Variants in TRMT61A observed in about 807,000 individuals in gnomAD.
The protein encoded by TRMT61A is tRNA methyltransferase 61A.
TRMT61A carries 15 observed loss-of-function variants against 21.3 expected under a neutral mutation model. That is an observed-to-expected ratio of 0.70 (90% confidence interval 0.47 to 1.08). The LOEUF is 1.08. Among genes scored for constraint, TRMT61A ranks in the 50% least tolerant of loss-of-function variants. TRMT61A has a pLI of 0.00. For missense variants in TRMT61A, 352 were observed against 426.7 expected, an observed-to-expected ratio of 0.83 and a Z score of 1.54; for synonymous variants, 183 against 185.5, an observed-to-expected ratio of 0.99 and a Z score of 0.11.
In TRMT61A at chr14:103,535,643, C is replaced by T; in HGVS notation, c.*822C>T. 1 of 314,722 alleles carries T rather than the reference C, an allele frequency of 3.2e-6. No individual in the cohort carries two copies. The highest frequency in any genetic ancestry group is 4.5e-5 in the Admixed American group (1 of 22,328). The allele number at this position is 314,722 out of a possible 1,614,324, so 19.5% of individuals were successfully genotyped here. A position where few individuals can be genotyped will look rare whatever the true frequency, so the allele number is the denominator to read the frequency against. Reference sequence around the variant, plus strand: ...CGGAACTATGTGGGTACCCCTACCCCTCACAGAAGCCAAGGGCATGGAGGA... The same window carrying T: ...CGGAACTATGTGGGTACCCCTACCCTTCACAGAAGCCAAGGGCATGGAGGA... On this transcript the variant is annotated 3_prime_UTR_variant, in exon 4 of 4. Transcript: ENST00000389749.
At position 103,532,668 on chromosome 14, in the gene TRMT61A, C is replaced by T. The variant is rs369292682; in HGVS notation, c.418C>T (p.Arg140Trp). ...HLHTVEFHQQ[R>W]AEKAREEFQE... is the part of the protein sequence containing the mutation. ...GCACACGGTGGAGTTCCACCAGCAG[C>T]GGGCAGAGAAGGCCCGGGAGGAGTT... Residue 140 changes from arginine (R) to tryptophan (W), a missense_variant, in exon 3 of 4, where the codon CGG (arginine) becomes TGG (tryptophan). Physicochemically the swap from Arg to Trp is moderately radical, Grantham distance 101 (BLOSUM62 -3). Transcript: ENST00000389749. 1.9e-6 allele frequency: 3 copies of T among 1,613,286 alleles called. No individual in the cohort carries two copies. The highest frequency in any genetic ancestry group is 1.7e-5 in the Admixed American group (1 of 59,994).
chr14:103,532,796 C>T lies in TRMT61A; in HGVS notation c.546C>T (p.Ile182=). 1 of 1,570,210 alleles carries T rather than the reference C, an allele frequency of 6.4e-7. No homozygotes were observed. Among genetic ancestry groups the T allele is most frequent in the Non-Finnish European group, 8.6e-7 (1 of 1,158,268 alleles). The change falls in exon 3 of 4, where the codon ATC becomes ATT. Residue 182 remains isoleucine (I), a synonymous_variant. Transcript: ENST00000389749. ...SHVADAVFLD[I]PSPWEAVGHA... Reference sequence around the variant, plus strand: ...TGGCCGACGCCGTCTTCCTGGACATCCCATCACCCTGGGAGGCCGTGGGCC... The same window carrying T: ...TGGCCGACGCCGTCTTCCTGGACATTCCATCACCCTGGGAGGCCGTGGGCC...
Position 103,530,008 on chromosome 14 carries a change from C to T in TRMT61A, c.30C>T (p.Ile10=), listed in dbSNP as rs369999572. The T allele has an allele frequency of 9.9e-6, 16 of 1,611,210 alleles. No homozygotes were observed. In the African/African-American group the frequency reaches 1.1e-4, roughly 11 times the overall value. The change falls in exon 2 of 4, where the codon ATC becomes ATT. Residue 10 remains isoleucine, a synonymous_variant. Coordinates refer to ENST00000389749, the MANE Select transcript of TRMT61A (RefSeq NM_152307.3). MSFVAYEEL[I]KEGDTAILSL... ...GCTTCGTGGCATACGAGGAGCTGAT[C>T]AAGGAGGGTGACACGGCCATCCTGT...
chr14:103,530,310 G>A lies in TRMT61A; in HGVS notation c.331+1G>A, dbSNP rs368016733. 5 of 1,579,500 alleles carry A rather than the reference G, an allele frequency of 3.2e-6. No homozygotes were observed. The Admixed American group carries it at 8.5e-5, about 27-fold the overall frequency. On this transcript the variant is annotated splice_donor_variant, in intron 2 of 3. Coordinates refer to ENST00000389749, the MANE Select transcript of TRMT61A (RefSeq NM_152307.3). LOFTEE classifies it high-confidence loss of function. ...CCCGGCTCTGTGGTCTGTGAGTCTG[G>A]TGAGTTCCTCAGGCTGCCTCAGTTT...
Position 103,530,266 on chromosome 14 carries a change from C to T in TRMT61A, c.288C>T (p.Thr96=), listed in dbSNP as rs1191879607. 4 of 1,599,884 alleles carry T rather than the reference C, an allele frequency of 2.5e-6. No individual in the cohort carries two copies. The highest frequency in any genetic ancestry group is 3.4e-6 in the Non-Finnish European group (4 of 1,168,774). ...ILYSTDIALI[T]MMLELRPGSV... is the part of the protein sequence containing the mutation. ...ACTCCACAGACATCGCCCTCATCAC[C>T]ATGATGTTGGAGCTTCGGCCCGGCT... The change falls in exon 2 of 4, where the codon ACC becomes ACT. Residue 96 remains threonine, a synonymous_variant. Transcript: ENST00000389749.
chr14:103,530,381 C>T, intron 2 of TRMT61A, 72 bp downstream of exon 2: 1 of 1,337,986 alleles, frequency 7.5e-7, no homozygotes, highest in Non-Finnish European at 1.0e-6. Flanking sequence ...CTCCAGCCTG[C>T]CCTTCCTACA....
chr14:103,532,641 C>A lies in TRMT61A; in HGVS notation c.391C>A (p.Leu131Met). The change falls in exon 3 of 4, where the codon CTG becomes ATG. Residue 131 changes from leucine to methionine, a missense_variant. Physicochemically the swap from Leu to Met is conservative, Grantham distance 15. Transcript: ENST00000389749. ...CCGCACCATTGCACCCACGGGTCAC[C>A]TGCACACGGTGGAGTTCCACCAGCA... ...IIRTIAPTGHLHTVEFHQQRA... is the reference protein window; with the variant it reads ...IIRTIAPTGHMHTVEFHQQRA... 6.2e-7 allele frequency: 1 copy of A among 1,613,468 alleles called. No homozygotes were observed. The highest frequency in any genetic ancestry group is 8.5e-7 in the Non-Finnish European group (1 of 1,180,014).
At chr14:103,534,527 C>T in intron 3 of TRMT61A, 23 bp from the exon 4 acceptor site, 2 of 1,537,664 alleles carry the variant, frequency 1.3e-6, no homozygotes, top group Non-Finnish European at 1.8e-6. Flanking sequence ...TGCCCTCTGA[C>T]CCTCGGGTCC....
Position 103,534,651 on chromosome 14 carries a change from C to T in TRMT61A, c.700C>T (p.Leu234=), listed in dbSNP as rs200188622. 7.1e-4 allele frequency: 1,142 copies of T among 1,611,100 alleles called. No homozygotes were observed. The highest frequency in any genetic ancestry group is 9.3e-4 in the Non-Finnish European group (1,092 of 1,179,322). Residue 234 remains leucine, a synonymous_variant, in exon 4 of 4, where the codon CTG becomes TTG. Transcript: ENST00000389749. ...CTCAGAGCTGAGCACCCTGGAGGTGCTGCCACAGGTCTACAACGTGCGCAC... is the reference window on the plus strand; with the variant it reads ...CTCAGAGCTGAGCACCCTGGAGGTGTTGCCACAGGTCTACAACGTGCGCAC... ...GFSELSTLEV[L]PQVYNVRTVS... is the part of the protein sequence containing the mutation.
Position 103,529,274 on chromosome 14 carries a change from G to C in TRMT61A, c.-30+13G>C. ...AGGAGCGTCGCAGGTGAGACTCCGCGGGGTACAGGGTGGCAGGGCGCGGGT... is the reference window on the plus strand; with the variant it reads ...AGGAGCGTCGCAGGTGAGACTCCGCCGGGTACAGGGTGGCAGGGCGCGGGT... On this transcript the variant is annotated intron_variant, in intron 1 of 3. Coordinates refer to ENST00000389749, the MANE Select transcript of TRMT61A (RefSeq NM_152307.3). 1 of 318,592 alleles carries C rather than the reference G, an allele frequency of 3.1e-6. No individual in the cohort carries two copies. Among genetic ancestry groups the C allele is most frequent in the Non-Finnish European group, 6.4e-6 (1 of 157,370 alleles). 19.7% of individuals were successfully genotyped at this position (318,592 alleles called of 1,614,324 possible).
rs778476017 is a variant in TRMT61A at position 103,529,249 on chromosome 14, A to G, written c.-42A>G. 2.4e-5 allele frequency: 8 copies of G among 326,860 alleles called. No homozygotes were observed. The highest frequency in any genetic ancestry group is 1.1e-4 in the African/African-American group (5 of 43,966). 20.2% of individuals were successfully genotyped at this position (326,860 alleles called of 1,614,324 possible). ...GAGGCACGTGTGGAGCCCCGGCAGC[A>G]GGAGCGTCGCAGGTGAGACTCCGCG... On this transcript the variant is annotated 5_prime_UTR_variant, in exon 1 of 4. Transcript: ENST00000389749.
intron 3 of TRMT61A, 94 bp downstream of exon 3, chr14:103,532,942 C>G: frequency 7.0e-7 from 1 of 1,433,394 alleles, no homozygotes; most frequent in Non-Finnish European, 9.3e-7. Context: ...GTCCAGAGAC[C>G]AAGCCACACC....
rs576227632 is a variant in TRMT61A at position 103,535,500 on chromosome 14, G to A, written c.*679G>A. On this transcript the variant is annotated 3_prime_UTR_variant, in exon 4 of 4. Coordinates refer to ENST00000389749, the MANE Select transcript of TRMT61A (RefSeq NM_152307.3). The stretch of plus-strand genomic sequence containing the variant: ...CCCACCCAGCCAGAGCCCCTGACAT[G>A]GGCTGCACTCGCTGAGGCCAGGCAG... 2.2e-4 allele frequency: 82 copies of A among 370,836 alleles called. No individual in the cohort carries two copies. The highest frequency in any genetic ancestry group is 1.7e-3 in the African/African-American group (80 of 47,348). The allele number at this position is 370,836 out of a possible 1,614,324, so 23.0% of individuals were successfully genotyped here.
intron 3 of TRMT61A, among the ~76,000 whole-genome samples, 185 bp from the exon 4 acceptor site, chr14:103,534,365 G>T (rs568539308): frequency 1.3e-5 from 2 of 152,340 alleles, no homozygotes; most frequent in South Asian, 2.1e-4. Context: ...GGCCCCATGG[G>T]GGGCTGTCAG....
Position 103,536,940 on chromosome 14 carries a change from C to T in TRMT61A, c.*2119C>T, listed in dbSNP as rs533288670. ...CTGCTCTGCCCTGCACACAGGCCCC[C>T]ATGATGACCTTGAGCCTCCAGGCAT... is the stretch of plus-strand genomic sequence containing the variant. On this transcript the variant is annotated 3_prime_UTR_variant, in exon 4 of 4. Coordinates refer to ENST00000389749, the MANE Select transcript of TRMT61A (RefSeq NM_152307.3). 6.6e-6 allele frequency: 1 copy of T among 152,426 alleles called. No homozygotes were observed. The highest frequency in any genetic ancestry group is 2.1e-4 in the South Asian group (1 of 4,838). The allele number at this position is 152,426 out of a possible 1,614,324, so 9.4% of individuals were successfully genotyped here.
rs780383418 is a variant in TRMT61A, at chr14:103,535,348, A to G, written c.*527A>G. On this transcript the variant is annotated 3_prime_UTR_variant, in exon 4 of 4. Transcript: ENST00000389749. ...CCAGAATCCCTGCCCTGCTCTCCCC[A>G]GCGCTAGGAGACCAGGCCAGCCCAG... 2.2e-6 allele frequency: 1 copy of G among 456,582 alleles called. No homozygotes were observed. Among genetic ancestry groups the G allele is most frequent in the South Asian group, 1.5e-5 (1 of 64,548 alleles). 28.3% of individuals were successfully genotyped at this position (456,582 alleles called of 1,614,324 possible). A position where few individuals can be genotyped will look rare whatever the true frequency, so the allele number is the denominator to read the frequency against.
chr14:103,532,714 G>T lies in TRMT61A; in HGVS notation c.464G>T (p.Arg155Leu), dbSNP rs542612707. ...REEFQEHRVG[R>L]WVTVRTQDVC... is the part of the protein sequence containing the mutation. ...GAGTTCCAGGAGCACCGTGTGGGCC[G>T]CTGGGTGACTGTGCGCACCCAGGAC... The change falls in exon 3 of 4, where the codon CGC (arginine) becomes CTC (leucine). Residue 155 changes from arginine (R) to leucine (L), a missense_variant. Arg to Leu is a moderately radical substitution (Grantham distance 102). Transcript: ENST00000389749. 1.9e-6 allele frequency: 3 copies of T among 1,612,176 alleles called. No homozygotes were observed. Among genetic ancestry groups the T allele is most frequent in the South Asian group, 1.1e-5 (1 of 90,926 alleles).
rs757333824 is a variant in TRMT61A at position 103,535,174 on chromosome 14, G to A, written c.*353G>A. The A allele has an allele frequency of 1.8e-6, 1 of 552,472 alleles. No homozygotes were observed. Among genetic ancestry groups the A allele is most frequent in the African/African-American group, 1.9e-5 (1 of 53,804 alleles). 34.2% of individuals were successfully genotyped at this position (552,472 alleles called of 1,614,324 possible). ...GCCTAAGCAGGAAGGGGGTGGAGGA[G>A]GGAGGGGGGCATTGACCCTGAGACC... On this transcript the variant is annotated 3_prime_UTR_variant, in exon 4 of 4. Coordinates refer to ENST00000389749, the MANE Select transcript of TRMT61A (RefSeq NM_152307.3).
Position 103,532,694 on chromosome 14 carries a change from C to T in TRMT61A, c.444C>T (p.Phe148=). The change falls in exon 3 of 4, where the codon TTC becomes TTT. Residue 148 remains phenylalanine, a synonymous_variant. Transcript: ENST00000389749. ...GGGCAGAGAAGGCCCGGGAGGAGTT[C>T]CAGGAGCACCGTGTGGGCCGCTGGG... is the stretch of plus-strand genomic sequence containing the variant. ...QQRAEKAREE[F]QEHRVGRWVT... is the part of the protein sequence containing the mutation. 6.2e-7 allele frequency: 1 copy of T among 1,613,252 alleles called. No individual in the cohort carries two copies. Among genetic ancestry groups the T allele is most frequent in the African/African-American group, 1.3e-5 (1 of 75,068 alleles).
Sources: gnomAD v4.1 joint callset for allele counts (sites outside exome capture counted in the v4.1 genomes callset) on GRCh38, gnomAD v4.1.1 for gene constraint, MANE v1.5 for transcripts, NCBI Gene and HGNC (gene_info 2026-07-23, HGNC 2026-07-21) for gene names.